Variants in CDH18 observed in about 807,000 individuals in gnomAD.
The protein encoded by CDH18 is cadherin-18.
Under a neutral mutation model 67.9 loss-of-function variants are expected in CDH18, and 31 were observed. The ratio of observed to expected loss-of-function variants is 0.46; its 90% CI spans 0.34 to 0.62. CDH18 has a LOEUF of 0.62. Among genes scored for constraint, CDH18 ranks in the 20% least tolerant of loss-of-function variants. CDH18 has a pLI of 0.01. For missense variants in CDH18, 890 were observed against 975.5 expected, an observed-to-expected ratio of 0.91 and a Z score of 1.17; for synonymous variants, 362 against 347.2, an observed-to-expected ratio of 1.04 and a Z score of -0.48.
At chr5:19,759,142 T>G (rs1378143062) in intron 3 of CDH18, among the ~76,000 whole-genome samples, 1 of 152,210 alleles carries the variant, frequency 6.6e-6, no homozygotes, top group Non-Finnish European at 1.5e-5. Context: ...GCTCAAGCAA[T>G]GAAACCACAT....
In CDH18 at chr5:20,355,267, G is replaced by T. The variant is rs546722810; in HGVS notation, c.-579-99762C>A. Reference sequence around the variant, plus strand: ...GGCAGTATGGCTCTCCCTACAACATGCCTCTGGCAACTCCAGTAGCATCTT... The same window carrying T: ...GGCAGTATGGCTCTCCCTACAACATTCCTCTGGCAACTCCAGTAGCATCTT... On this transcript the variant is annotated intron_variant, in intron 1 of 14. Transcript: ENST00000507958. Among the ~76,000 whole-genome samples the T allele has an allele frequency of 3.9e-5, 6 of 152,294 alleles. No individual in the cohort carries two copies. In the East Asian group the frequency reaches 1.2e-3, roughly 29 times the overall value.
At chr5:19,926,341 T>C (rs750291624) in intron 2 of CDH18, among the ~76,000 whole-genome samples, 15 of 152,146 alleles carry the variant, frequency 9.9e-5, no homozygotes, top group Non-Finnish European at 2.9e-5. Flanking sequence ...TTTTAACACA[T>C]CAGCAACCAT....
At chr5:20,057,744 CT>C (rs1160914997) in intron 2 of CDH18, among the ~76,000 whole-genome samples, 3 of 152,022 alleles carry the variant, frequency 2.0e-5, no homozygotes, top group African/African-American at 4.8e-5. Flanking sequence ...AACTTAACCA[CT>C]TTTTTTTCTA....
At chr5:20,566,509 G>A (rs547333622) in intron 1 of CDH18, among the ~76,000 whole-genome samples, 14 of 146,788 alleles carry the variant, frequency 9.5e-5, no homozygotes, top group African/African-American at 2.0e-4. Context: ...ACAGGTTCGC[G>A]CCACCATGCC....
rs545139918 is a variant in CDH18, at chr5:19,964,716, C to A, written c.-257+16344G>T. Among the ~76,000 whole-genome samples the A allele has an allele frequency of 1.5e-3, 214 of 146,620 alleles. 6 individuals carry two copies. The highest frequency in any genetic ancestry group is 5.0e-4 in the Non-Finnish European group (34 of 67,494). ...GTAAATTCTGAGGTATAATATGGAA[C>A]TATGTATTTAGAACCTGAAAAAATT... On this transcript the variant is annotated intron_variant, in intron 2 of 12. Transcript: ENST00000382275.
intron 2 of CDH18, among the ~76,000 whole-genome samples, chr5:20,153,082 G>A (rs1479694121): frequency 6.6e-6 from 1 of 151,458 alleles, no homozygotes; most frequent in African/African-American, 2.4e-5. Flanking sequence ...AGCTGGGACT[G>A]CAGGCATATG....
In CDH18 at chr5:20,256,933, G is replaced by GTATCTATCTATCTATC. The variant is rs11272126; in HGVS notation, c.-579-1444_-579-1429dup. ...AAACGAGATTTGTAGTAGCTTGGTG[G>GTATCTATCTATCTATC]TATCTATCTATCTATCTATCTATCT... On this transcript the variant is annotated intron_variant, in intron 1 of 14. Coordinates refer to the CDH18 transcript ENST00000507958. 8.8e-3 allele frequency among the ~76,000 whole-genome samples: 1,059 copies of GTATCTATCTATCTATC among 120,840 alleles called. 12 individuals carry two copies. The highest frequency in any genetic ancestry group is 0.033 in the African/African-American group (1,009 of 30,276). The allele number at this position is 120,840 out of a possible 152,430, so 79.3% of individuals were successfully genotyped here.
chr5:19,828,969 C>T (rs939494128), intron 3 of CDH18, among the ~76,000 whole-genome samples: 8 of 152,120 alleles, frequency 5.3e-5, no homozygotes, highest in South Asian at 2.1e-4. Context: ...ACCCAGGAGA[C>T]GGAATTTGCA....
intron 1 of CDH18, among the ~76,000 whole-genome samples, chr5:20,397,815 TAGTA>T (rs1745408286): frequency 6.6e-6 from 1 of 152,180 alleles, no homozygotes; most frequent in Non-Finnish European, 1.5e-5. Context: ...CTCTTTTTCA[TAGTA>T]AGTCTTAAAA....
At chr5:19,976,304 TCA>T (rs1387374983) in intron 2 of CDH18, among the ~76,000 whole-genome samples, 3 of 152,080 alleles carry the variant, frequency 2.0e-5, no homozygotes, top group African/African-American at 7.2e-5. Context: ...TGCAAAAAGC[TCA>T]CAGATTCTGG....
intron 5 of CDH18, among the ~76,000 whole-genome samples, chr5:19,712,720 A>G (rs1011304917): frequency 6.6e-6 from 1 of 150,566 alleles, no homozygotes; most frequent in Admixed American, 6.7e-5. Flanking sequence ...ATAATAGGAA[A>G]ATTATATATG....
intron 5 of CDH18, among the ~76,000 whole-genome samples, chr5:19,620,516 G>C (rs191883311): frequency 6.6e-6 from 1 of 152,152 alleles, no homozygotes; most frequent in East Asian, 1.9e-4. Flanking sequence ...TATTTTGAGA[G>C]GGAGAGATAG....
intron 2 of CDH18, among the ~76,000 whole-genome samples, chr5:20,250,286 TTTTTA>T (rs1221837079): frequency 2.0e-5 from 3 of 151,466 alleles, no homozygotes; most frequent in South Asian, 2.1e-4. Flanking sequence ...TTTATTTTTT[TTTTTA>T]TTTTATTTAT....
At chr5:19,915,844 G>C (rs1791716425) in intron 2 of CDH18, among the ~76,000 whole-genome samples, 1 of 151,856 alleles carries the variant, frequency 6.6e-6, no homozygotes, top group African/African-American at 2.4e-5. Flanking sequence ...CTTACTAAAT[G>C]CCTGGTCCAG....
chr5:19,923,608 C>A (rs1792751167), intron 2 of CDH18, among the ~76,000 whole-genome samples: 1 of 152,046 alleles, frequency 6.6e-6, no homozygotes, highest in Non-Finnish European at 1.5e-5. Flanking sequence ...AAGAATACAT[C>A]CTTATGGAGT....
intron 2 of CDH18, among the ~76,000 whole-genome samples, chr5:19,935,962 T>C (rs1794214931): frequency 6.6e-6 from 1 of 151,088 alleles, no homozygotes; most frequent in Admixed American, 6.6e-5. Flanking sequence ...ATGATTGAAA[T>C]AGCTGTTATT....
chr5:19,903,755 TC>T (rs1276526921), intron 2 of CDH18, among the ~76,000 whole-genome samples: 1 of 151,326 alleles, frequency 6.6e-6, no homozygotes, highest in Non-Finnish European at 1.5e-5. Flanking sequence ...AAAAAATGTG[TC>T]CATTATTTCA....
chr5:20,291,420 T>C (rs1392018157), intron 1 of CDH18, among the ~76,000 whole-genome samples: 3 of 152,028 alleles, frequency 2.0e-5, no homozygotes, highest in Non-Finnish European at 4.4e-5. Context: ...TGGGGAACCA[T>C]GTATAAAAAG....
At chr5:20,157,163 T>A (rs1237378298) in intron 2 of CDH18, among the ~76,000 whole-genome samples, 3 of 152,208 alleles carry the variant, frequency 2.0e-5, no homozygotes, top group African/African-American at 7.2e-5. Context: ...GTATACGATT[T>A]AAAGTTTATA....
Sources: gnomAD v4.1 joint callset for allele counts (sites outside exome capture counted in the v4.1 genomes callset) on GRCh38, gnomAD v4.1.1 for gene constraint, MANE v1.5 for transcripts, NCBI Gene and HGNC (gene_info 2026-07-23, HGNC 2026-07-21) for gene names.